MYBPC3: variants seen among roughly 807,000 people sequenced by gnomAD.
MYBPC3 encodes myosin binding protein C3.
Under a neutral mutation model 159.3 loss-of-function variants are expected in MYBPC3, and 108 were observed. That is an observed-to-expected ratio of 0.68 (90% CI 0.58 to 0.80). The LOEUF (loss-of-function observed/expected upper bound fraction) is 0.80, where lower values mean the gene tolerates loss of function less well. Ranked by LOEUF, MYBPC3 falls within the 30% of genes least tolerant of loss-of-function variation. The pLI is 0.00. For synonymous variants in MYBPC3, 730 were observed against 702.0 expected, an observed-to-expected ratio of 1.04 and a Z score of -0.63; for missense variants, 1,631 against 1,762.1, an observed-to-expected ratio of 0.93 and a Z score of 1.33.
chr11:47,341,229 G>C lies in MYBPC3; in HGVS notation c.1806C>G (p.Thr602=). The stretch of plus-strand genomic sequence containing the variant: ...CGTCGGCAGGTGTGACGTCGTCAAT[G>C]GTCAGTTTGTGGACCCTGCAGGGGA... The part of the protein sequence containing the change: ...VSHIGRVHKL[T]IDDVTPADEA... The change falls in exon 19 of 35, where the codon ACC becomes ACG. Residue 602 remains threonine (T), a synonymous_variant. Transcript: ENST00000545968. The C allele has an allele frequency of 6.3e-7, 1 of 1,590,752 alleles. No homozygotes were observed. The highest frequency in any genetic ancestry group is 8.6e-7 in the Non-Finnish European group (1 of 1,168,772).
Position 47,342,917 on chromosome 11 carries a change from G to T in MYBPC3, c.1370C>A (p.Thr457Lys). The T allele has an allele frequency of 6.2e-7, 1 of 1,612,060 alleles. No individual in the cohort carries two copies. The highest frequency in any genetic ancestry group is 8.5e-7 in the Non-Finnish European group (1 of 1,179,082). Reference protein sequence around the residue: ...LFVKEPPVLITRPLEDQLVMV... With the variant: ...LFVKEPPVLIKRPLEDQLVMV... ...CACCAGCTGGTCCTCCAAGGGGCGC[G>T]TGATGAGCACAGGGGGCTCTGTCCA... The change falls in exon 16 of 35, where the codon ACG becomes AAG. Residue 457 changes from threonine to lysine, a missense_variant. By Grantham distance (78) the Thr-to-Lys change is moderately conservative. Coordinates refer to ENST00000545968, the MANE Select transcript of MYBPC3 (RefSeq NM_000256.3).
Position 47,342,288 on chromosome 11 carries a change from G to A in MYBPC3, c.1625-132C>T, listed in dbSNP as rs2095889492. On this transcript the variant is annotated intron_variant, in intron 17 of 34. Transcript: ENST00000545968. ...TGCATGTGGGCATGTGAAAACACGT[G>A]TGCCTGTGTGTGCCATGTTTGCCTG... 2.6e-6 allele frequency: 3 copies of A among 1,165,912 alleles called. 1 individual carries two copies. The Admixed American group carries it at 7.8e-5, about 30-fold the overall frequency. The allele number at this position is 1,165,912 out of a possible 1,614,324, so 72.2% of individuals were successfully genotyped here. A position where few individuals can be genotyped will look rare whatever the true frequency, so the allele number is the denominator to read the frequency against.
Position 47,340,989 on chromosome 11 carries a change from G to A in MYBPC3, c.1927+14C>T, listed in dbSNP as rs1330955923. ...AAGTGAGCAGAACCAAGACTCAGGG[G>A]CCCCAAGACTTACCCTGCCTGGGTA... On this transcript the variant is annotated intron_variant, in intron 20 of 34. Transcript: ENST00000545968. The A allele has an allele frequency of 1.9e-6, 3 of 1,553,878 alleles. No individual in the cohort carries two copies. The South Asian group carries it at 3.6e-5, about 19-fold the overall frequency.
intron 9 of MYBPC3, 128 bp downstream of exon 9, chr11:47,347,298 G>A (rs1471699549): frequency 2.0e-5 from 31 of 1,528,780 alleles, no homozygotes; most frequent in Non-Finnish European, 2.7e-5. Flanking sequence ...TCATCCCCTC[G>A]ACAGACAAGG....
rs746297609 is a variant in MYBPC3, at chr11:47,332,847, T to C, written c.3457A>G (p.Thr1153Ala). The C allele has an allele frequency of 6.2e-7, 1 of 1,607,274 alleles. No homozygotes were observed. Among genetic ancestry groups the C allele is most frequent in the Admixed American group, 1.7e-5 (1 of 58,926 alleles). Residue 1153 changes from threonine (T) to alanine (A), a missense_variant, in exon 31 of 35, where the codon ACC becomes GCC. Physicochemically the swap from Thr to Ala is moderately conservative, Grantham distance 58 (BLOSUM62 0). Transcript: ENST00000545968. This position sits in a 1 kb window ranked among gnomAD's most constrained non-coding sequence, Gnocchi z 4.2. The part of the protein sequence containing the change: ...NMVGFSDRAA[T>A]TKEPVFIPRP... ...GGGATAAAGACGGGCTCCTTGGTGGTGGCCGCTCTGTCACTAAAGCCAACC... is the reference window on the plus strand; with the variant it reads ...GGGATAAAGACGGGCTCCTTGGTGGCGGCCGCTCTGTCACTAAAGCCAACC...
chr11:47,347,860 C>T lies in MYBPC3; in HGVS notation c.818G>A (p.Arg273His), dbSNP rs376461745. 7.2e-5 allele frequency: 113 copies of T among 1,565,784 alleles called. No individual in the cohort carries two copies. The highest frequency in any genetic ancestry group is 1.9e-4 in the Admixed American group (10 of 52,598). The change falls in exon 7 of 35, where the codon CGC (arginine) becomes CAC (histidine). Residue 273 changes from arginine (R) to histidine (H), a missense_variant. By Grantham distance (29) the Arg-to-His change is conservative. Transcript: ENST00000545968. ...GGCCCTGAGGATGGCCACTCACGTG[C>T]GGCGGAAGGCTGATAGGAGGTCCAG... ...GDLDLLSAFRRTSLAGGGRRI... is the reference protein window; with the variant it reads ...GDLDLLSAFRHTSLAGGGRRI...
In MYBPC3 at chr11:47,343,440, C is replaced by G. The variant is rs947718819; in HGVS notation, c.1223+52G>C. ...ATGTGGAGAGGGGCAGGAGGCAAGG[C>G]TATGGGGGTCCCCACCTCCACCCGA... On this transcript the variant is annotated intron_variant, in intron 13 of 34. Transcript: ENST00000545968. The G allele has an allele frequency of 1.6e-5, 24 of 1,539,738 alleles. No homozygotes were observed. In the African/African-American group the frequency reaches 2.9e-4, roughly 18 times the overall value.
chr11:47,332,039 A>G lies in MYBPC3; in HGVS notation c.3814+33T>C. 1 of 1,603,716 alleles carries G rather than the reference A, an allele frequency of 6.2e-7. No homozygotes were observed. ...GTCCCCACTGCCGCCCGCTCTTCCC[A>G]TCTCCCAGGCCCTGGCCCCGAGGGC... is the stretch of plus-strand genomic sequence containing the variant. On this transcript the variant is annotated intron_variant, in intron 33 of 34. Coordinates refer to ENST00000545968, the MANE Select transcript of MYBPC3 (RefSeq NM_000256.3). The surrounding 1 kb of genome is among the most constrained non-coding windows in gnomAD (Gnocchi z 4.2).
At chr11:47,347,356 G>A in intron 9 of MYBPC3, 70 bp downstream of exon 9, 2 of 1,551,292 alleles carry the variant, frequency 1.3e-6, no homozygotes, top group South Asian at 1.2e-5. Context: ...CACACAGCTG[G>A]CAAACCACAG....
At position 47,351,315 on chromosome 11, in the gene MYBPC3, G is replaced by A. The variant is rs760007714; in HGVS notation, c.216C>T (p.Gly72=). The change falls in exon 2 of 35, where the codon GGC becomes GGT. Residue 72 remains glycine (G), a synonymous_variant. Coordinates refer to ENST00000545968, the MANE Select transcript of MYBPC3 (RefSeq NM_000256.3). This position sits in a 1 kb window ranked among gnomAD's most constrained non-coding sequence, Gnocchi z 4.2. ...TRHTLTVREV[G]PADQGSYAVI... ...CTGCGTAAGATCCCTGGTCGGCAGG[G>A]CCCACTTCCCGCACTGTCAGCGTAT... 1.3e-6 allele frequency: 2 copies of A among 1,583,710 alleles called. No homozygotes were observed. Among genetic ancestry groups the A allele is most frequent in the Non-Finnish European group, 8.6e-7 (1 of 1,164,804 alleles).
In MYBPC3 at chr11:47,342,587, T is replaced by C. The variant is rs770186287; in HGVS notation, c.1615A>G (p.Ile539Val). Residue 539 changes from isoleucine (I) to valine (V), a missense_variant, in exon 17 of 35, where the codon ATT (isoleucine) becomes GTT (valine). By Grantham distance (29) the Ile-to-Val change is conservative (BLOSUM62 3). Transcript: ENST00000545968. ...CCCCAGCCAGGCTCACCCTGCACAA[T>C]GAGCTCAGCCAGCGCCTGGCCCCCG... is the stretch of plus-strand genomic sequence containing the variant. ...TSGGQALAEL[I>V]VQEKKLEVYQ... The C allele has an allele frequency of 9.4e-6, 15 of 1,601,804 alleles. No homozygotes were observed. Among genetic ancestry groups the C allele is most frequent in the Admixed American group, 1.7e-5 (1 of 59,374 alleles).
chr11:47,337,729 A>AC lies in MYBPC3; in HGVS notation c.2373dup (p.Trp792ValfsTer41), dbSNP rs397515963. The AC allele has an allele frequency of 2.7e-5, 42 of 1,563,840 alleles. No homozygotes were observed. The highest frequency in any genetic ancestry group is 3.6e-5 in the Non-Finnish European group (41 of 1,154,296). Reference sequence around the variant, plus strand: ...CCGCCATCGTAGGCAGGCGGCTCCCACTGTACTGTGCAGGAGTCCTCTCCC... The same window carrying AC: ...CCGCCATCGTAGGCAGGCGGCTCCCACCTGTACTGTGCAGGAGTCCTCTCCC... On this transcript the variant is annotated frameshift_variant, in exon 24 of 35. Coordinates refer to ENST00000545968, the MANE Select transcript of MYBPC3 (RefSeq NM_000256.3). LOFTEE classifies it high-confidence loss of function.
Position 47,346,084 on chromosome 11 carries a change from T to A in MYBPC3, c.1090+123A>T. On this transcript the variant is annotated intron_variant, in intron 12 of 34. Transcript: ENST00000545968. The surrounding 1 kb of genome is among the most constrained non-coding windows in gnomAD (Gnocchi z 5.3). ...GCTCTTTCCATGTATGTGGACGAGGTGGGGGGCTAACCTGTGCCCTCTCCT... is the reference window on the plus strand; with the variant it reads ...GCTCTTTCCATGTATGTGGACGAGGAGGGGGGCTAACCTGTGCCCTCTCCT... The A allele has an allele frequency of 3.7e-6, 5 of 1,340,880 alleles. No homozygotes were observed. Among genetic ancestry groups the A allele is most frequent in the Non-Finnish European group, 5.0e-6 (5 of 990,626 alleles). 83.1% of individuals were successfully genotyped at this position (1,340,880 alleles called of 1,614,324 possible).
Position 47,351,509 on chromosome 11 carries a change from A to G in MYBPC3, c.26-4T>C. The G allele has an allele frequency of 6.3e-7, 1 of 1,579,898 alleles. No homozygotes were observed. Among genetic ancestry groups the G allele is most frequent in the Non-Finnish European group, 8.6e-7 (1 of 1,157,774 alleles). The stretch of plus-strand genomic sequence containing the variant: ...GGCTTCTTGCTAAAAGCTGAGACTG[A>G]AGGGCCAGGTGGAGGCTACAGCGGC... On this transcript the variant is annotated splice_region_variant and splice_polypyrimidine_tract_variant and intron_variant, in intron 1 of 34. Transcript: ENST00000545968. This position sits in a 1 kb window ranked among gnomAD's most constrained non-coding sequence, Gnocchi z 4.2.
Position 47,338,732 on chromosome 11 carries a change from G to A in MYBPC3, c.2149-53C>T, listed in dbSNP as rs551077020. 2 of 1,529,496 alleles carry A rather than the reference G, an allele frequency of 1.3e-6. No individual in the cohort carries two copies. Among genetic ancestry groups the A allele is most frequent in the African/African-American group, 1.4e-5 (1 of 73,358 alleles). 94.7% of individuals were successfully genotyped at this position (1,529,496 alleles called of 1,614,324 possible). On this transcript the variant is annotated intron_variant, in intron 22 of 34. Transcript: ENST00000545968. The surrounding 1 kb of genome is among the most constrained non-coding windows in gnomAD (Gnocchi z 4.7). ...TCCAAGTCAGACCCCAGAGGCCCTT[G>A]CAGCCTCCGCCAACAGCCAGATGTC...
chr11:47,348,040 G>A, intron 6 of MYBPC3, 135 bp from the exon 7 acceptor site: 1 of 869,690 alleles, frequency 1.1e-6, no homozygotes, highest in South Asian at 1.5e-5. Context: ...ATCTGCCCCA[G>A]GATCTCACCT....
intron 33 of MYBPC3, 60 bp from the exon 34 acceptor site, chr11:47,331,941 C>G (rs1348856365): frequency 7.5e-6 from 12 of 1,600,066 alleles, no homozygotes; most frequent in African/African-American, 5.4e-5. Context: ...TATTGCCCAT[C>G]TGGGCGTGGC....
chr11:47,342,633 C>A lies in MYBPC3; in HGVS notation c.1569G>T (p.Gly523=). The change falls in exon 17 of 35, where the codon GGG becomes GGT. Residue 523 remains glycine, a synonymous_variant. Transcript: ENST00000545968. ...CCCCGCTAGTGCACAGTGCATAGTGCCCCGCGTCCTCCAGCATGGCCTCGT... is the reference window on the plus strand; with the variant it reads ...CCCCGCTAGTGCACAGTGCATAGTGACCCGCGTCCTCCAGCATGGCCTCGT... ...IINEAMLEDA[G]HYALCTSGGQ... The A allele has an allele frequency of 6.2e-7, 1 of 1,613,942 alleles. No homozygotes were observed. The highest frequency in any genetic ancestry group is 8.5e-7 in the Non-Finnish European group (1 of 1,179,866).
At position 47,342,007 on chromosome 11, in the gene MYBPC3, C is replaced by T. The variant is rs2095889099; in HGVS notation, c.1774G>A (p.Val592Met). 1 of 1,573,314 alleles carries T rather than the reference C, an allele frequency of 6.4e-7. No homozygotes were observed. The highest frequency in any genetic ancestry group is 8.6e-7 in the Non-Finnish European group (1 of 1,158,600). ...KELVPDSRIK[V>M]SHIGRVHKLT... ...CACACTCACCGCCCGATGTGGGACA[C>T]CTTTATGCGGCTGTCGGGCACCAGC... is the stretch of plus-strand genomic sequence containing the variant. The change falls in exon 18 of 35, where the codon GTG becomes ATG. Residue 592 changes from valine (V) to methionine (M), a missense_variant. Physicochemically the swap from Val to Met is conservative, Grantham distance 21. Coordinates refer to ENST00000545968, the MANE Select transcript of MYBPC3 (RefSeq NM_000256.3).
Sources: gnomAD v4.1 joint callset for allele counts on GRCh38, gnomAD v4.1.1 for gene constraint, Gnocchi (gnomAD v3.1) non-coding constraint, MANE v1.5 for transcripts, NCBI Gene and HGNC (gene_info 2026-07-23, HGNC 2026-07-21) for gene names.